MDN1: variants seen among roughly 807,000 people sequenced by gnomAD.
MDN1 encodes the protein midasin.
A neutral mutation model predicts 669.2 loss-of-function variants in MDN1; 266 were observed. That is an observed-to-expected ratio of 0.40 (90% CI 0.36 to 0.44). The LOEUF is 0.44. MDN1 is among the 20% of genes least tolerant of loss of function. The pLI is 1.00. For synonymous variants in MDN1, 2,385 were observed against 2,457.1 expected, an observed-to-expected ratio of 0.97 and a Z score of 0.87; for missense variants, 5,940 against 6,754.0, an observed-to-expected ratio of 0.88 and a Z score of 4.22.
At chr6:89,723,175 G>T in intron 39 of MDN1, 32 bp from the exon 40 acceptor site, 1 of 1,599,624 alleles carries the variant, frequency 6.3e-7, no homozygotes, top group Non-Finnish European at 8.6e-7. Context: ...TGGGAAACAT[G>T]CCCTGCTTAC....
intron 44 of MDN1, among the ~76,000 whole-genome samples, chr6:89,715,977 A>G (rs1814344635): frequency 6.6e-6 from 1 of 152,116 alleles, no homozygotes; most frequent in African/African-American, 2.4e-5. Context: ...GGCCTTATAC[A>G]CAGTAAATAC....
At chr6:89,726,152 G>A (rs557308792) in intron 37 of MDN1, among the ~76,000 whole-genome samples, 5 of 152,166 alleles carry the variant, frequency 3.3e-5, no homozygotes, top group Admixed American at 2.0e-4. Context: ...TTCACAATCT[G>A]AGTTTTTAAG....
intron 2 of MDN1, among the ~76,000 whole-genome samples, chr6:89,800,034 C>G (rs1020967964): frequency 1.3e-5 from 2 of 151,866 alleles, no homozygotes; most frequent in African/African-American, 4.8e-5. Flanking sequence ...AGCCCAACTG[C>G]CAGAGAGGAG....
intron 88 of MDN1, among the ~76,000 whole-genome samples, chr6:89,660,489 G>GT (rs1280245572): frequency 2.6e-3 from 393 of 148,946 alleles, no homozygotes; most frequent in Middle Eastern, 6.8e-3. Context: ...CAGCCTACTG[G>GT]GTTTTTTTTT....
At chr6:89,806,560 T>A (rs292217) in intron 1 of MDN1, among the ~76,000 whole-genome samples, 1 of 151,788 alleles carries the variant, frequency 6.6e-6, no homozygotes, top group South Asian at 2.1e-4. Flanking sequence ...CTACTAGAAA[T>A]ACAAAAAATT....
At chr6:89,803,092 G>A (rs2128329165) in intron 2 of MDN1, among the ~76,000 whole-genome samples, 2 of 152,248 alleles carry the variant, frequency 1.3e-5, no homozygotes, top group South Asian at 4.1e-4. Context: ...GACATATCCT[G>A]GCCATCTTTC....
rs558070029 is a variant in MDN1 at position 89,682,009 on chromosome 6, A to T, written c.12102+1123T>A. On this transcript the variant is annotated intron_variant, in intron 73 of 101. Coordinates refer to ENST00000369393, the MANE Select transcript of MDN1 (RefSeq NM_014611.3). ...CCTGGAGCTCCCCACACCCAAGGACATGAAGCAGGAACATCCATTCTGTAA... is the reference window on the plus strand; with the variant it reads ...CCTGGAGCTCCCCACACCCAAGGACTTGAAGCAGGAACATCCATTCTGTAA... 7.2e-5 allele frequency among the ~76,000 whole-genome samples: 11 copies of T among 152,314 alleles called. 1 individual carries two copies. In the South Asian group the frequency reaches 1.9e-3, roughly 26 times the overall value.
chr6:89,661,728 T>G, intron 87 of MDN1, 150 bp from the exon 88 acceptor site: 1 of 824,464 alleles, frequency 1.2e-6, no homozygotes, highest in Non-Finnish European at 1.8e-6. Flanking sequence ...TAGTATTTTA[T>G]TTTTAGACCT....
intron 12 of MDN1, 144 bp from the exon 13 acceptor site, chr6:89,774,877 A>C: frequency 1.7e-6 from 1 of 575,466 alleles, no homozygotes; most frequent in South Asian, 2.0e-5. Context: ...GCTTTTCATA[A>C]AGAAATTTCT....
In MDN1 at chr6:89,712,642, G is replaced by A. The variant is rs767237600; in HGVS notation, c.7363C>T (p.Arg2455Ter). 7 of 1,614,052 alleles carry A rather than the reference G, an allele frequency of 4.3e-6. No individual in the cohort carries two copies. Among genetic ancestry groups the A allele is most frequent in the Non-Finnish European group, 5.9e-6 (7 of 1,179,998 alleles). ...TATACTAAGATCTGTCCATCTCTTCGGACTGTAGACAGGTGTGAATCTTCA... is the reference window on the plus strand; with the variant it reads ...TATACTAAGATCTGTCCATCTCTTCAGACTGTAGACAGGTGTGAATCTTCA... Reference protein sequence around the residue: ...ATEDSHLSTVRRDGQILVYCL... With the variant: ...ATEDSHLSTV Residue 2455 changes from arginine to a stop codon, truncating the protein, a stop_gained, in exon 48 of 102, where the codon CGA (arginine) becomes TGA (stop). Transcript: ENST00000369393. LOFTEE classifies it high-confidence loss of function.
chr6:89,790,014 T>C, intron 6 of MDN1, 103 bp from the exon 7 acceptor site: 1 of 1,580,424 alleles, frequency 6.3e-7, no homozygotes. Context: ...TGTAAGTAAG[T>C]AGGCACTTGA....
rs1355339531 is a variant in MDN1, at chr6:89,753,609, C to A, written c.2978G>T (p.Gly993Val). Reference sequence around the variant, plus strand: ...TGCCCTGTCAAGCTGTGTTAAGAAACCCAAACAAAAACCCTAGAAAGAAAA... The same window carrying A: ...TGCCCTGTCAAGCTGTGTTAAGAAAACCAAACAAAAACCCTAGAAAGAAAA... ...QRSLYEGFCLGFLTQLDRASH... is the reference protein window; with the variant it reads ...QRSLYEGFCLVFLTQLDRASH... Residue 993 changes from glycine to valine, a missense_variant, in exon 22 of 102, where the codon GGT becomes GTT. By Grantham distance (109) the Gly-to-Val change is moderately radical (BLOSUM62 -3). Coordinates refer to ENST00000369393, the MANE Select transcript of MDN1 (RefSeq NM_014611.3). 1 of 1,612,608 alleles carries A rather than the reference C, an allele frequency of 6.2e-7. No individual in the cohort carries two copies. Among genetic ancestry groups the A allele is most frequent in the East Asian group, 2.2e-5 (1 of 44,860 alleles).
In MDN1 at chr6:89,643,804, G is replaced by A; in HGVS notation, c.*201C>T. Reference sequence around the variant, plus strand: ...TCTCTAGTTACGAGTTCAGGCACCTGCTGCTGCTTCCAGGTTTGGTATAAA... The same window carrying A: ...TCTCTAGTTACGAGTTCAGGCACCTACTGCTGCTTCCAGGTTTGGTATAAA... On this transcript the variant is annotated 3_prime_UTR_variant, in exon 102 of 102. Transcript: ENST00000369393. 2.1e-6 allele frequency: 1 copy of A among 473,444 alleles called. No individual in the cohort carries two copies. Among genetic ancestry groups the A allele is most frequent in the Non-Finnish European group, 3.7e-6 (1 of 272,980 alleles). The allele number at this position is 473,444 out of a possible 1,614,324, so 29.3% of individuals were successfully genotyped here.
intron 53 of MDN1, 111 bp downstream of exon 53, chr6:89,705,948 A>T: frequency 1.1e-6 from 1 of 936,266 alleles, no homozygotes; most frequent in Non-Finnish European, 1.5e-6. Context: ...TAAGTTTCTT[A>T]AATAATATTG....
At chr6:89,654,580 T>C (rs1809113614) in intron 92 of MDN1, among the ~76,000 whole-genome samples, 1 of 152,162 alleles carries the variant, frequency 6.6e-6, no homozygotes, top group South Asian at 2.1e-4. Context: ...ACTATACATG[T>C]GACACTGGCT....
Position 89,702,032 on chromosome 6 carries a change from C to G in MDN1, c.8178G>C (p.Arg2726=), listed in dbSNP as rs987132082. The change falls in exon 54 of 102, where the codon CGG becomes CGC. Residue 2726 remains arginine (R), a synonymous_variant. Coordinates refer to ENST00000369393, the MANE Select transcript of MDN1 (RefSeq NM_014611.3). The stretch of plus-strand genomic sequence containing the variant: ...TTACTGTGTCGGCCACAGTCCAGAA[C>G]CGGTCCCGCCACCGCAGAGAACCTA... The part of the protein sequence containing the change: ...EILGSLRWRD[R]FWTVADTVKV... 6.2e-7 allele frequency: 1 copy of G among 1,611,020 alleles called. No individual in the cohort carries two copies. The highest frequency in any genetic ancestry group is 8.5e-7 in the Non-Finnish European group (1 of 1,178,824).
chr6:89,705,961 C>CAT, intron 53 of MDN1, 98 bp downstream of exon 53: 3 of 1,041,970 alleles, frequency 2.9e-6, no homozygotes, highest in Non-Finnish European at 4.1e-6. Context: ...TAATATTGGG[C>CAT]ATATAACAAC....
At chr6:89,787,824 A>G in intron 8 of MDN1, 30 bp downstream of exon 8, 1 of 1,540,624 alleles carries the variant, frequency 6.5e-7, no homozygotes, top group Admixed American at 1.8e-5. Context: ...GTGGCTCCAG[A>G]GTGAAAACAG....
intron 5 of MDN1, among the ~76,000 whole-genome samples, chr6:89,791,875 A>ATTTTTTTTTTTTTTTTTTTT (rs66492732): frequency 8.8e-6 from 1 of 114,072 alleles, no homozygotes; most frequent in Admixed American, 1.0e-4. Context: ...AAAACTTTTA[A>ATTTTTTTTTTTTTTTTTTTT]TTTTTTTTTT....
Sources: allele counts gnomAD v4.1 joint callset (sites outside exome capture counted in the v4.1 genomes callset), GRCh38; gene constraint gnomAD v4.1.1; transcripts MANE v1.5; gene names NCBI Gene and HGNC (gene_info 2026-07-23, HGNC 2026-07-21).